Variants in MAP3K15 observed in about 807,000 individuals in gnomAD.
The protein encoded by MAP3K15 is mitogen-activated protein kinase kinase kinase 15.
A neutral mutation model predicts 99.5 loss-of-function variants in MAP3K15; 124 were observed. The ratio of observed to expected loss-of-function variants is 1.25; its 90% CI spans 1.08 to 1.45. The LOEUF (loss-of-function observed/expected upper bound fraction) is 1.45. Ranked by LOEUF, MAP3K15 falls within the 40% of genes most tolerant of loss-of-function variation. The pLI, the probability that MAP3K15 is intolerant of heterozygous loss-of-function variation, is 0.00. For missense variants in MAP3K15, 1,242 were observed against 1,079.7 expected (o/e 1.15, Z -2.11); for synonymous variants, 494 against 439.6 (o/e 1.12, Z -1.55).
At chrX:19,490,182 C>CACACACACAT (rs1555966374) in intron 1 of MAP3K15, among the ~76,000 whole-genome samples, 1 of 95,517 alleles carries the variant, frequency 1.0e-5, no homozygotes, top group Admixed American at 1.1e-4. Context: ...CACACACACA[C>CACACACACAT]ACATACATAC....
rs952513999 is a variant in MAP3K15, at chrX:19,391,821, T to A, written c.2431+181A>T. ...TTGTTGCCACAAGTAGCTGGCTAGG[T>A]GCATCACTATGACAAAGTTAAAACA... On this transcript the variant is annotated intron_variant, in intron 18 of 28. Transcript: ENST00000338883. Among the ~76,000 whole-genome samples the A allele has an allele frequency of 6.3e-5, 7 of 111,159 alleles. No individual in the cohort carries two copies. The South Asian group carries it at 2.3e-3, about 36-fold the overall frequency.
intron 7 of MAP3K15, among the ~76,000 whole-genome samples, chrX:19,426,591 G>T (rs2063831851): frequency 1.8e-5 from 2 of 110,144 alleles, no homozygotes; most frequent in South Asian, 7.6e-4. Flanking sequence ...GAGGCACGTG[G>T]ACCACTTGAG....
rs766169158 is a variant in MAP3K15, at chrX:19,362,854, G to C, written c.3567-4C>G. On this transcript the variant is annotated splice_region_variant and splice_polypyrimidine_tract_variant and intron_variant, in intron 25 of 28. Transcript: ENST00000338883. ...TTCAACTAGGTGTTCCAAAAGTCTGGTTTAAAAAAAAAAAAAAAAAGCCAT... is the reference window on the plus strand; with the variant it reads ...TTCAACTAGGTGTTCCAAAAGTCTGCTTTAAAAAAAAAAAAAAAAAGCCAT... 3 of 893,689 alleles carry C rather than the reference G, an allele frequency of 3.4e-6. No individual in the cohort carries two copies. The highest frequency in any genetic ancestry group is 2.2e-5 in the South Asian group (1 of 44,541). 73.7% of individuals were successfully genotyped at this position (893,689 alleles called of 1,213,427 possible). A position where few individuals can be genotyped will look rare whatever the true frequency, so the allele number is the denominator to read the frequency against.
intron 1 of MAP3K15, among the ~76,000 whole-genome samples, chrX:19,506,223 G>A (rs941512049): frequency 3.7e-5 from 4 of 109,523 alleles, no homozygotes; most frequent in African/African-American, 1.0e-4. Context: ...CATGAACCAC[G>A]GCGTCCGGCC....
intron 3 of MAP3K15, among the ~76,000 whole-genome samples, chrX:19,478,683 T>A (rs1473078031): frequency 9.1e-6 from 1 of 110,153 alleles, no homozygotes; most frequent in African/African-American, 3.3e-5. Flanking sequence ...TCTCACTGGC[T>A]TTCCAGAAAA....
chrX:19,367,723 A>ATTTTTTTTTTTTTTTTTTTTTTTTTTTT, intron 25 of MAP3K15, among the ~76,000 whole-genome samples: 1 of 24,139 alleles, frequency 4.1e-5, no homozygotes, highest in Non-Finnish European at 8.1e-5. Flanking sequence ...ATAACTATGG[A>ATTTTTTTTTTTTTTTTTTTTTTTTTTTT]TTTTTTTTTT....
At chrX:19,384,038 A>G (rs1367083224) in intron 18 of MAP3K15, among the ~76,000 whole-genome samples, 2 of 112,166 alleles carry the variant, frequency 1.8e-5, no homozygotes, top group Admixed American at 1.9e-4. Flanking sequence ...CTGCACCCGC[A>G]TGTTTGTTGA....
At chrX:19,362,097 A>T (rs1275265188) in intron 26 of MAP3K15, among the ~76,000 whole-genome samples, 2 of 111,259 alleles carry the variant, frequency 1.8e-5, no homozygotes, top group African/African-American at 6.5e-5. Context: ...GCACAGATAC[A>T]GAAATGACTG....
intron 9 of MAP3K15, among the ~76,000 whole-genome samples, chrX:19,420,686 G>C: frequency 9.0e-6 from 1 of 111,527 alleles, no homozygotes; most frequent in Non-Finnish European, 1.9e-5. Context: ...CATTTTATGA[G>C]GCCAGCATCA....
At chrX:19,478,477 G>C in intron 3 of MAP3K15, among the ~76,000 whole-genome samples, 1 of 107,950 alleles carries the variant, frequency 9.3e-6, no homozygotes, top group African/African-American at 3.4e-5. Flanking sequence ...CTGAAGGCCT[G>C]AGAATGGCAA....
At chrX:19,392,286 A>G (rs1217531983) in intron 17 of MAP3K15, 57 bp downstream of exon 17, 2 of 1,157,927 alleles carry the variant, frequency 1.7e-6, no homozygotes, top group Non-Finnish European at 2.3e-6. Context: ...CACCATCGAC[A>G]GCTCTCATGA....
rs111407185 is a variant in MAP3K15 at position 19,455,460 on chromosome X, T to C, written c.995+1453A>G. On this transcript the variant is annotated intron_variant, in intron 6 of 28. Transcript: ENST00000338883. ...CCCAGGATCAAGCAAGCCGCCTACC[T>C]TAGCCTCCTGAGTAGCTGAGAGACT... is the stretch of plus-strand genomic sequence containing the variant. Among the ~76,000 whole-genome samples, 635 of 104,743 alleles carry C rather than the reference T, an allele frequency of 6.1e-3. 11 individuals are homozygous for C. Among genetic ancestry groups the C allele is most frequent in the African/African-American group, 0.021 (591 of 28,538 alleles). 91.0% of individuals were successfully genotyped at this position (104,743 alleles called of 115,157 possible). A position where few individuals can be genotyped will look rare whatever the true frequency, so the allele number is the denominator to read the frequency against.
intron 9 of MAP3K15, among the ~76,000 whole-genome samples, chrX:19,424,858 T>C (rs1483224820): frequency 9.4e-6 from 1 of 106,288 alleles, no homozygotes; most frequent in Non-Finnish European, 1.9e-5. Context: ...TATTACCCAG[T>C]CTGGTCTCAA....
chrX:19,423,115 A>G (rs2063800097), intron 9 of MAP3K15, among the ~76,000 whole-genome samples: 1 of 110,964 alleles, frequency 9.0e-6, no homozygotes, highest in South Asian at 3.9e-4. Context: ...AACATGGCAC[A>G]TGTATAGATA....
At chrX:19,436,106 A>G (rs1316540715) in intron 6 of MAP3K15, among the ~76,000 whole-genome samples, 1 of 107,544 alleles carries the variant, frequency 9.3e-6, no homozygotes, top group African/African-American at 3.4e-5. Context: ...GTGAACCGAG[A>G]TCGCACCATT....
chrX:19,401,869 T>C (rs2063610643), intron 13 of MAP3K15, among the ~76,000 whole-genome samples: 1 of 112,193 alleles, frequency 8.9e-6, no homozygotes, highest in East Asian at 2.8e-4. Flanking sequence ...CCATAAACCA[T>C]TAAAATGCTC....
chrX:19,417,061 T>C (rs1413297825), intron 9 of MAP3K15, among the ~76,000 whole-genome samples: 1 of 112,422 alleles, frequency 8.9e-6, no homozygotes, highest in Admixed American at 9.4e-5. Context: ...GTACAGTTTT[T>C]GGTAGAGCCA....
At chrX:19,384,770 A>AC (rs2063483965) in intron 18 of MAP3K15, among the ~76,000 whole-genome samples, 1 of 105,556 alleles carries the variant, frequency 9.5e-6, no homozygotes, top group Non-Finnish European at 1.9e-5. Flanking sequence ...AAAAAAAAAA[A>AC]AAAAAAAAAA....
At chrX:19,474,428 T>G (rs772147455) in intron 3 of MAP3K15, among the ~76,000 whole-genome samples, 1 of 108,171 alleles carries the variant, frequency 9.2e-6, no homozygotes, top group Non-Finnish European at 1.9e-5. Context: ...GTCAGCCTCA[T>G]TAGATGATAG....
Sources: gnomAD v4.1 joint callset for allele counts (sites outside exome capture counted in the v4.1 genomes callset) on GRCh38, gnomAD v4.1.1 for gene constraint, MANE v1.5 for transcripts, NCBI Gene and HGNC (gene_info 2026-07-23, HGNC 2026-07-21) for gene names.